VPS50: variants seen among roughly 807,000 people sequenced by gnomAD.
VPS50 encodes the protein VPS50 subunit of EARP/GARPII complex, also known as syndetin.
VPS50 carries 70 observed loss-of-function variants against 139.7 expected under a neutral mutation model. The ratio of observed to expected loss-of-function variants is 0.50; its 90% confidence interval spans 0.41 to 0.61. VPS50 has a LOEUF of 0.61. Among genes scored for constraint, VPS50 ranks in the 20% least tolerant of loss-of-function variants. The pLI is 0.00. For missense variants in VPS50, 921 were observed against 1,133.7 expected, an observed-to-expected ratio of 0.81 and a Z score of 2.69; for synonymous variants, 365 against 376.7, an observed-to-expected ratio of 0.97 and a Z score of 0.36.
At chr7:93,275,865 G>A (rs1044774474) in intron 11 of VPS50, 2 of 283,654 alleles carry the variant, frequency 7.1e-6, no homozygotes, top group South Asian at 1.4e-4. Flanking sequence ...GGTAATTAGA[G>A]ATATGGTTGT....
At chr7:93,263,132 C>T (rs2116855976) in intron 9 of VPS50, among the ~76,000 whole-genome samples, 1 of 151,822 alleles carries the variant, frequency 6.6e-6, no homozygotes, top group Non-Finnish European at 1.5e-5. Context: ...TCTAGTTGGG[C>T]CTACTCATAC....
intron 9 of VPS50, among the ~76,000 whole-genome samples, chr7:93,265,736 T>A (rs1453997388): frequency 2.6e-5 from 4 of 151,994 alleles, no homozygotes; most frequent in Admixed American, 2.0e-4. Flanking sequence ...GGCTATTTTT[T>A]AAATATTTTT....
intron 18 of VPS50, 91 bp downstream of exon 18, chr7:93,306,095 A>G: frequency 4.6e-6 from 4 of 872,162 alleles, no homozygotes; most frequent in Non-Finnish European, 7.4e-6. Context: ...TTACGTATCC[A>G]TTTACTACCA....
At chr7:93,346,094 A>C (rs937774026) in intron 23 of VPS50, among the ~76,000 whole-genome samples, 3 of 152,358 alleles carry the variant, frequency 2.0e-5, no homozygotes, top group Admixed American at 1.3e-4. Flanking sequence ...GTCTCAGCCC[A>C]AAATCTCCTT....
chr7:93,315,813 A>T (rs1216672264), intron 20 of VPS50, among the ~76,000 whole-genome samples: 2 of 150,760 alleles, frequency 1.3e-5, no homozygotes, highest in African/African-American at 4.9e-5. Context: ...TGTATATTGC[A>T]TTCATTAGTT....
At chr7:93,280,953 A>C in intron 12 of VPS50, among the ~76,000 whole-genome samples, 1 of 152,136 alleles carries the variant, frequency 6.6e-6, no homozygotes, top group East Asian at 1.9e-4. Context: ...GGGGAAAATA[A>C]AATGTTTCTG....
intron 8 of VPS50, among the ~76,000 whole-genome samples, chr7:93,259,038 A>G (rs537241421): frequency 6.6e-6 from 1 of 152,134 alleles, no homozygotes; most frequent in African/African-American, 2.4e-5. Context: ...CCCATATGAA[A>G]AATTCATTGG....
intron 19 of VPS50, among the ~76,000 whole-genome samples, chr7:93,310,417 G>A (rs1197510462): frequency 6.6e-6 from 1 of 151,286 alleles, no homozygotes; most frequent in Non-Finnish European, 1.5e-5. Flanking sequence ...TTGGATTCTT[G>A]TCTCTAGGCT....
intron 12 of VPS50, among the ~76,000 whole-genome samples, chr7:93,289,359 TAGG>T (rs1796583533): frequency 6.6e-6 from 1 of 152,108 alleles, no homozygotes; most frequent in African/African-American, 2.4e-5. Context: ...ATTTTTTTGA[TAGG>T]AGTTTTAGTC....
At chr7:93,261,434 T>C (rs1795670123) in intron 9 of VPS50, among the ~76,000 whole-genome samples, 2 of 152,140 alleles carry the variant, frequency 1.3e-5, no homozygotes, top group Middle Eastern at 3.4e-3. Context: ...TCCCAGCACA[T>C]TGGGAGGCCG....
chr7:93,357,698 C>T (rs1354215098), intron 27 of VPS50, among the ~76,000 whole-genome samples: 1 of 152,150 alleles, frequency 6.6e-6, no homozygotes, highest in East Asian at 1.9e-4. Flanking sequence ...AGTCAATCTG[C>T]AGAAATTTCT....
At chr7:93,341,677 C>A (rs1233514136) in intron 23 of VPS50, 102 bp downstream of exon 23, 2 of 658,098 alleles carry the variant, frequency 3.0e-6, no homozygotes, top group Non-Finnish European at 5.1e-6. Flanking sequence ...ACATCTACCA[C>A]TTCTAAATAT....
chr7:93,294,310 A>G (rs566720953), intron 13 of VPS50, among the ~76,000 whole-genome samples: 1 of 152,246 alleles, frequency 6.6e-6, no homozygotes, highest in Non-Finnish European at 1.5e-5. Context: ...TCAGTCACAT[A>G]TGATCTCAGT....
chr7:93,339,874 C>T (rs1798165712), intron 22 of VPS50, among the ~76,000 whole-genome samples: 1 of 152,100 alleles, frequency 6.6e-6, no homozygotes, highest in Non-Finnish European at 1.5e-5. Flanking sequence ...GCTTAACTTA[C>T]ATAGCTTTTA....
At chr7:93,357,141 G>A (rs1273646296) in intron 27 of VPS50, among the ~76,000 whole-genome samples, 2 of 152,152 alleles carry the variant, frequency 1.3e-5, no homozygotes, top group East Asian at 3.8e-4. Flanking sequence ...AATGTTGCTA[G>A]AATCCATTTA....
intron 9 of VPS50, 135 bp from the exon 10 acceptor site, chr7:93,271,085 G>A: frequency 5.3e-6 from 7 of 1,328,672 alleles, no homozygotes; most frequent in Non-Finnish European, 6.8e-6. Flanking sequence ...TCTATATGTA[G>A]AATTCAGCAG....
chr7:93,303,713 T>C (rs765441981), intron 17 of VPS50, among the ~76,000 whole-genome samples, 163 bp downstream of exon 17: 18 of 151,902 alleles, frequency 1.2e-4, no homozygotes, highest in Admixed American at 5.2e-4. Context: ...AGCCTCTTTT[T>C]AAAGGAATGA....
At chr7:93,311,325 C>T (rs1797260537) in intron 20 of VPS50, 53 bp downstream of exon 20, 12 of 823,966 alleles carry the variant, frequency 1.5e-5, no homozygotes, top group African/African-American at 6.8e-5. Context: ...AGTTTGTTAC[C>T]GAATGACTTT....
At chr7:93,262,213 G>A (rs780697847) in intron 9 of VPS50, among the ~76,000 whole-genome samples, 7 of 152,116 alleles carry the variant, frequency 4.6e-5, no homozygotes, top group Non-Finnish European at 1.0e-4. Context: ...GGAAATTGAG[G>A]GAGCAGGTGA....
Sources: allele counts gnomAD v4.1 joint callset (sites outside exome capture counted in the v4.1 genomes callset), GRCh38; gene constraint gnomAD v4.1.1; transcripts MANE v1.5; gene names NCBI Gene and HGNC (gene_info 2026-07-23, HGNC 2026-07-21).